Variants in FOXP2 observed in about 807,000 individuals in gnomAD.
The protein encoded by FOXP2 is forkhead box P2, also known as forkhead box protein P2.
FOXP2 carries 12 observed loss-of-function variants against 115.8 expected under a neutral mutation model. The ratio of observed to expected loss-of-function variants is 0.10; its 90% CI spans 0.07 to 0.17. The LOEUF is 0.17. Among genes scored for constraint, FOXP2 ranks in the 10% least tolerant of loss-of-function variants. The probability of loss-of-function intolerance (pLI) is 1.00; values close to 1 mark genes in which losing one functional copy is unlikely to be tolerated. For synonymous variants in FOXP2, 328 were observed against 297.7 expected (o/e 1.10, Z -1.05); for missense variants, 629 against 843.5 (o/e 0.75, Z 3.15).
At chr7:114,427,639 A>G (rs1428047436) in intron 2 of FOXP2, among the ~76,000 whole-genome samples, 1 of 151,632 alleles carries the variant, frequency 6.6e-6, no homozygotes, top group African/African-American at 2.4e-5. Flanking sequence ...CATTAAAATA[A>G]TGATTATTGA....
At chr7:114,245,160 G>C (rs1795249846) in intron 1 of FOXP2, among the ~76,000 whole-genome samples, 1 of 151,730 alleles carries the variant, frequency 6.6e-6, no homozygotes, top group Admixed American at 6.6e-5. Context: ...CTACCCTCTT[G>C]GTCCAGTTTA....
At chr7:114,643,086 C>T (rs569888425) in intron 7 of FOXP2, among the ~76,000 whole-genome samples, 2 of 151,964 alleles carry the variant, frequency 1.3e-5, no homozygotes, top group African/African-American at 4.8e-5. Context: ...GCTGGGATTA[C>T]AGGCGTGAGC....
chr7:114,239,956 A>G (rs1366239480), intron 1 of FOXP2, among the ~76,000 whole-genome samples: 2 of 152,158 alleles, frequency 1.3e-5, no homozygotes, highest in Non-Finnish European at 2.9e-5. Flanking sequence ...TATATACTTT[A>G]TGCCTGTTTT....
chr7:114,391,781 C>T (rs1296822468), intron 2 of FOXP2, among the ~76,000 whole-genome samples: 2 of 152,224 alleles, frequency 1.3e-5, no homozygotes, highest in East Asian at 1.9e-4. Flanking sequence ...TGAGAAAATA[C>T]GTGACACTCA....
chr7:114,292,488 C>G (rs1372672114), intron 2 of FOXP2, among the ~76,000 whole-genome samples: 1 of 152,086 alleles, frequency 6.6e-6, no homozygotes, highest in Non-Finnish European at 1.5e-5. Flanking sequence ...ACCCAAATAT[C>G]TTACCTTTTC....
intron 1 of FOXP2, among the ~76,000 whole-genome samples, chr7:114,268,307 T>A (rs1795948747): frequency 6.6e-6 from 1 of 152,138 alleles, no homozygotes; most frequent in Non-Finnish European, 1.5e-5. Context: ...GGTTACTTGG[T>A]AGGACATGGA....
chr7:114,519,530 T>C (rs1798509128), intron 2 of FOXP2, among the ~76,000 whole-genome samples: 1 of 152,156 alleles, frequency 6.6e-6, no homozygotes, highest in South Asian at 2.1e-4. Context: ...TTCAGTGTAA[T>C]GGCTTAACTT....
intron 3 of FOXP2, among the ~76,000 whole-genome samples, chr7:114,611,552 A>G (rs1803628974): frequency 6.6e-6 from 1 of 152,222 alleles, no homozygotes; most frequent in Non-Finnish European, 1.5e-5. Flanking sequence ...GGGAAAAACA[A>G]CTATAGAAGA....
At chr7:114,240,582 A>G (rs767728192) in intron 1 of FOXP2, among the ~76,000 whole-genome samples, 1 of 151,914 alleles carries the variant, frequency 6.6e-6, no homozygotes, top group Non-Finnish European at 1.5e-5. Context: ...AGGGATTGCT[A>G]TGGGGATTGT....
intron 6 of FOXP2, among the ~76,000 whole-genome samples, chr7:114,634,161 A>G (rs924571344): frequency 6.6e-6 from 1 of 152,020 alleles, no homozygotes; most frequent in African/African-American, 2.4e-5. Flanking sequence ...ACGCCTGGCT[A>G]ATTTTCATAT....
intron 3 of FOXP2, among the ~76,000 whole-genome samples, chr7:114,561,686 T>C (rs1800764969): frequency 6.6e-6 from 1 of 152,200 alleles, no homozygotes; most frequent in African/African-American, 2.4e-5. Context: ...CACTAATCCA[T>C]GAAGAAAACA....
rs755297474 is a variant in FOXP2 at position 114,644,723 on chromosome 7, A to G, written c.1028A>G (p.Tyr343Cys). ...GAGACTGGGGCCTCTCACACTCTCT[A>G]TGGCCATGGAGTTTGCAAATGGCCA... ...HEETGASHTL[Y>C]GHGVCKWPGC... The change falls in exon 8 of 17, where the codon TAT (tyrosine) becomes TGT (cysteine). Residue 343 changes from tyrosine (Y) to cysteine (C), a missense_variant. Transcript: ENST00000350908. 6.2e-7 allele frequency: 1 copy of G among 1,613,458 alleles called. No individual in the cohort carries two copies.
chr7:114,653,940 C>A lies in FOXP2; in HGVS notation c.1197C>A (p.Arg399=), dbSNP rs747784399. 2.5e-6 allele frequency: 4 copies of A among 1,612,804 alleles called. No homozygotes were observed. Among genetic ancestry groups the A allele is most frequent in the Admixed American group, 1.7e-5 (1 of 59,904 alleles). ...QQLEIQLSKE[R]ERLQAMMTHL... ...TTTCTTAACAGCTTTCTAAAGAACG[C>A]GAACGTCTTCAAGCAATGATGACCC... is the stretch of plus-strand genomic sequence containing the variant. The change falls in exon 10 of 17, where the codon CGC becomes CGA. Residue 399 remains arginine, a synonymous_variant. Coordinates refer to ENST00000350908, the MANE Select transcript of FOXP2 (RefSeq NM_014491.4).
intron 2 of FOXP2, among the ~76,000 whole-genome samples, chr7:114,456,993 TAA>T (rs1192221874): frequency 1.3e-5 from 2 of 151,706 alleles, no homozygotes; most frequent in African/African-American, 4.8e-5. Context: ...AGAGAGAGAA[TAA>T]AATGGTGATT....
In FOXP2 at chr7:114,099,134, C is replaced by CAACA. The variant is rs370037502; in HGVS notation, c.-247+11313_-247+11316dup. 2.2e-3 allele frequency among the ~76,000 whole-genome samples: 329 copies of CAACA among 152,048 alleles called. 2 individuals are homozygous for CAACA. Among genetic ancestry groups the CAACA allele is most frequent in the African/African-American group, 7.3e-3 (302 of 41,470 alleles). ...TGGGCGACAGAGCATGACCCTGTCT[C>CAACA]AACAAACAAACAAACAAACAGAAAA... On this transcript the variant is annotated intron_variant, in intron 1 of 19. Transcript: ENST00000635638.
chr7:114,681,022 G>T (rs1808059443), intron 16 of FOXP2, among the ~76,000 whole-genome samples: 1 of 152,120 alleles, frequency 6.6e-6, no homozygotes, highest in African/African-American at 2.4e-5. Flanking sequence ...TTAGAGGCAG[G>T]TAAGTTTTCC....
chr7:114,279,538 A>G, intron 1 of FOXP2, among the ~76,000 whole-genome samples: 1 of 152,122 alleles, frequency 6.6e-6, no homozygotes, highest in East Asian at 1.9e-4. Context: ...TTGACAAGAG[A>G]TGGATAGAGC....
At position 114,692,811 on chromosome 7, in the gene FOXP2, G is replaced by T. The variant is rs1291313903; in HGVS notation, c.*2885G>T. On this transcript the variant is annotated 3_prime_UTR_variant, in exon 17 of 17. Coordinates refer to ENST00000350908, the MANE Select transcript of FOXP2 (RefSeq NM_014491.4). The stretch of plus-strand genomic sequence containing the variant: ...ACAAACATCTGTTTATGTATTGGTG[G>T]AATATACCTGTTTTATTTATCTTTT... The T allele has an allele frequency of 6.7e-6, 3 of 449,090 alleles. No individual in the cohort carries two copies. Among genetic ancestry groups the T allele is most frequent in the Non-Finnish European group, 8.9e-6 (2 of 224,170 alleles). 27.8% of individuals were successfully genotyped at this position (449,090 alleles called of 1,614,324 possible). A position where few individuals can be genotyped will look rare whatever the true frequency, so the allele number is the denominator to read the frequency against.
intron 2 of FOXP2, among the ~76,000 whole-genome samples, chr7:114,404,312 A>G (rs891641911): frequency 2.0e-5 from 3 of 152,172 alleles, no homozygotes; most frequent in Non-Finnish European, 4.4e-5. Flanking sequence ...ATTAGTGAAA[A>G]TTCTACGTAA....
Sources: allele counts gnomAD v4.1 joint callset (sites outside exome capture counted in the v4.1 genomes callset), GRCh38; gene constraint gnomAD v4.1.1; transcripts MANE v1.5; gene names NCBI Gene and HGNC (gene_info 2026-07-23, HGNC 2026-07-21).